The following GOLGA1 variants were observed in gnomAD, a reference collection of about 807,000 sequenced individuals.
GOLGA1 encodes golgin subfamily A member 1.
In GOLGA1, 63 loss-of-function variants were observed where a neutral mutation model predicts 119.7. The ratio of observed to expected loss-of-function variants is 0.53; its 90% CI spans 0.43 to 0.65. The LOEUF (loss-of-function observed/expected upper bound fraction) is 0.65. Ranked by LOEUF, GOLGA1 falls within the 30% of genes least tolerant of loss-of-function variation. GOLGA1 has a pLI of 0.00. For missense variants in GOLGA1, 798 were observed against 912.8 expected (o/e 0.87, Z 1.62); for synonymous variants, 318 against 333.4 (o/e 0.95, Z 0.50).
At chr9:124,899,115 G>C (rs986258102) in intron 14 of GOLGA1, among the ~76,000 whole-genome samples, 3 of 152,196 alleles carry the variant, frequency 2.0e-5, no homozygotes, top group African/African-American at 4.8e-5. Flanking sequence ...AGGATCACTT[G>C]AGTCTGAGAG....
chr9:124,919,999 AGG>A (rs1426760025), intron 10 of GOLGA1, among the ~76,000 whole-genome samples: 2 of 152,020 alleles, frequency 1.3e-5, no homozygotes, highest in Admixed American at 1.3e-4. Flanking sequence ...TCTGTCACCC[AGG>A]CAGGCTGCAG....
At chr9:124,913,111 G>C (rs1391886513) in intron 10 of GOLGA1, among the ~76,000 whole-genome samples, 1 of 152,168 alleles carries the variant, frequency 6.6e-6, no homozygotes, top group Non-Finnish European at 1.5e-5. Flanking sequence ...GATAGAGCAA[G>C]CGAGCGAGGG....
chr9:124,938,102 A>T (rs1830914379), intron 3 of GOLGA1, among the ~76,000 whole-genome samples: 1 of 151,786 alleles, frequency 6.6e-6, no homozygotes, highest in Admixed American at 6.6e-5. Context: ...AAAAAAAGAA[A>T]GAAAAAAGAA....
chr9:124,945,467 A>C (rs1413846548), upstream of GOLGA1: 1 of 152,214 alleles, frequency 6.6e-6, no homozygotes, highest in Non-Finnish European at 1.5e-5. Flanking sequence ...AGGCAGGAGA[A>C]TCTCTTGAAC....
At position 124,880,560 on chromosome 9, in the gene GOLGA1, A is replaced by AC. The variant is rs1384747705; in HGVS notation, c.2273_2274insG (p.Ile759TyrfsTer22). ...ACCATGGTATCCGAGGGTTTGAGAT[A>AC]GACGGCCGGATGCTGCCCTTGGGAG... On this transcript the variant is annotated frameshift_variant, in exon 23 of 23. Coordinates refer to ENST00000373555, the MANE Select transcript of GOLGA1 (RefSeq NM_002077.4). LOFTEE classifies it high-confidence loss of function. 2 of 1,609,980 alleles carry AC rather than the reference A, an allele frequency of 1.2e-6. No homozygotes were observed. The highest frequency in any genetic ancestry group is 2.7e-5 in the African/African-American group (2 of 74,850).
At chr9:124,890,279 C>T (rs1829824998) in intron 16 of GOLGA1, 110 bp downstream of exon 16, 2 of 761,322 alleles carry the variant, frequency 2.6e-6, no homozygotes, top group Non-Finnish European at 4.6e-6. Context: ...CCTGAGTCTA[C>T]TACCCTACCC....
intron 10 of GOLGA1, among the ~76,000 whole-genome samples, chr9:124,913,767 TGTGCTTCAACAGAGGGACACACACC>T (rs1443978750): frequency 2.6e-5 from 4 of 152,168 alleles, no homozygotes; most frequent in Admixed American, 6.5e-5. Flanking sequence ...ACAAAACAAC[TGTGCTTCAACAGAGGGACACACACC>T]GTGCTATGAG....
chr9:124,947,288 A>T (rs1172921789), intron 1 of GOLGA1: 3 of 152,232 alleles, frequency 2.0e-5, no homozygotes, highest in African/African-American at 4.8e-5. Context: ...ACTACAGCCT[A>T]AGAATCTGCT....
intron 11 of GOLGA1, among the ~76,000 whole-genome samples, chr9:124,909,811 C>T (rs1310412463): frequency 1.3e-5 from 2 of 152,200 alleles, no homozygotes; most frequent in Non-Finnish European, 2.9e-5. Flanking sequence ...GTCGCTCAGG[C>T]TGGAAAGTAG....
At chr9:124,909,652 G>A (rs1013443873) in intron 11 of GOLGA1, among the ~76,000 whole-genome samples, 1 of 151,234 alleles carries the variant, frequency 6.6e-6, no homozygotes, top group Non-Finnish European at 1.5e-5. Context: ...AGCTGAGATA[G>A]CTGTTACTGA....
chr9:124,898,505 A>C, intron 15 of GOLGA1, 44 bp downstream of exon 15: 1 of 1,110,632 alleles, frequency 9.0e-7, no homozygotes, highest in Non-Finnish European at 1.4e-6. Flanking sequence ...ACATGTAGAA[A>C]ACATGAACAC....
intron 13 of GOLGA1, chr9:124,900,238 C>CTGCTGG (rs1431949159): frequency 1.5e-5 from 6 of 409,108 alleles, no homozygotes; most frequent in Non-Finnish European, 2.7e-5. Context: ...TGGAAAGGAG[C>CTGCTGG]TGCTGGTGCA....
intron 15 of GOLGA1, among the ~76,000 whole-genome samples, chr9:124,895,208 CAGAGAACCATCCACAAG>C (rs1588064797): frequency 6.7e-6 from 1 of 149,482 alleles, no homozygotes; most frequent in Non-Finnish European, 1.5e-5. Context: ...CCATCCACAA[CAGAGAACCATCCACAAG>C]AGAGAACCCT....
At chr9:124,947,837 A>G (rs1014813863) in intron 1 of GOLGA1, 3 of 152,248 alleles carry the variant, frequency 2.0e-5, no homozygotes, top group African/African-American at 7.2e-5. Context: ...CATAGCATTC[A>G]TATTCATATC....
At chr9:124,884,546 A>G (rs1829672311) in intron 19 of GOLGA1, among the ~76,000 whole-genome samples, 1 of 152,090 alleles carries the variant, frequency 6.6e-6, no homozygotes, top group Non-Finnish European at 1.5e-5. Context: ...ACTTTAAACA[A>G]AGCTGGGATA....
chr9:124,882,464 A>T (rs1482507700), intron 20 of GOLGA1, 46 bp downstream of exon 20: 4 of 1,415,930 alleles, frequency 2.8e-6, no homozygotes, highest in Non-Finnish European at 4.0e-6. Context: ...CACAGGCAGC[A>T]GGGGGAGTGC....
intron 12 of GOLGA1, among the ~76,000 whole-genome samples, chr9:124,907,523 A>G (rs1449784447): frequency 6.6e-6 from 1 of 152,220 alleles, no homozygotes; most frequent in South Asian, 2.1e-4. Flanking sequence ...GGATACATGG[A>G]CAAAGTTAAC....
intron 10 of GOLGA1, among the ~76,000 whole-genome samples, chr9:124,912,259 T>A (rs1287817166): frequency 6.6e-6 from 1 of 152,086 alleles, no homozygotes; most frequent in Non-Finnish European, 1.5e-5. Context: ...CTCTTCCCAA[T>A]TAAACAACTG....
chr9:124,929,232 T>C lies in GOLGA1; in HGVS notation c.285A>G (p.Leu95=), dbSNP rs1328800070. 6.2e-7 allele frequency: 1 copy of C among 1,602,850 alleles called. No individual in the cohort carries two copies. The highest frequency in any genetic ancestry group is 1.1e-5 in the South Asian group (1 of 90,852). Residue 95 remains leucine, a synonymous_variant, in exon 5 of 23, where the codon TTA becomes TTG. Coordinates refer to ENST00000373555, the MANE Select transcript of GOLGA1 (RefSeq NM_002077.4). The part of the protein sequence containing the change: ...QKIKEKLEIA[L]EKHQDSSMRK... ...AATACGTACAATCCTGGTGTTTTTC[T>C]AATGCAATTTCAAGCTTCTCTTTTA... is the stretch of plus-strand genomic sequence containing the variant.
Sources: allele counts gnomAD v4.1 joint callset (sites outside exome capture counted in the v4.1 genomes callset), GRCh38; gene constraint gnomAD v4.1.1; transcripts MANE v1.5; gene names NCBI Gene and HGNC (gene_info 2026-07-23, HGNC 2026-07-21).